The following EFNA5 variants were observed in gnomAD, a reference collection of about 807,000 sequenced individuals.
EFNA5 encodes the protein ephrin A5, also known as ephrin-A5.
EFNA5 carries 5 observed loss-of-function variants against 22.9 expected under a neutral mutation model. That is an observed-to-expected ratio of 0.22 (90% confidence interval 0.11 to 0.46). The LOEUF (loss-of-function observed/expected upper bound fraction) is 0.46, where lower values mean the gene tolerates loss of function less well. Ranked by LOEUF, EFNA5 falls within the 20% of genes least tolerant of loss-of-function variation. The pLI, the probability that EFNA5 is intolerant of heterozygous loss-of-function variation, is 0.99. For missense variants in EFNA5, 237 were observed against 293.3 expected (o/e 0.81, Z 1.40); for synonymous variants, 113 against 112.2 (o/e 1.01, Z -0.04).
At chr5:107,505,076 AAG>A (rs969152396) in intron 1 of EFNA5, among the ~76,000 whole-genome samples, 48 of 152,306 alleles carry the variant, frequency 3.2e-4, no homozygotes, top group African/African-American at 1.1e-3. Context: ...CTGTAAAGAA[AAG>A]GTGCCTAACA....
chr5:107,386,017 T>C (rs1747609355), intron 4 of EFNA5, among the ~76,000 whole-genome samples: 1 of 152,032 alleles, frequency 6.6e-6, no homozygotes, highest in Admixed American at 6.6e-5. Context: ...TTGTATGTCC[T>C]GAGGCACAGC....
chr5:107,643,871 T>TTAATAATAA lies in EFNA5; in HGVS notation c.125+26609_125+26617dup, dbSNP rs148571029. ...TCTTCTTTATAGCTGTCTATTTTCT[T>TTAATAATAA]TAATAATAATAATAATAATAATAAT... On this transcript the variant is annotated intron_variant, in intron 1 of 4. Coordinates refer to ENST00000333274, the MANE Select transcript of EFNA5 (RefSeq NM_001962.3). Among the ~76,000 whole-genome samples the TTAATAATAA allele has an allele frequency of 5.5e-5, 8 of 146,268 alleles. 1 individual carries two copies. The highest frequency in any genetic ancestry group is 1.8e-4 in the African/African-American group (7 of 37,864).
intron 2 of EFNA5, among the ~76,000 whole-genome samples, chr5:107,418,804 T>C (rs555841162): frequency 9.2e-5 from 14 of 152,290 alleles, no homozygotes; most frequent in African/African-American, 3.1e-4. Context: ...GGTCCCAATG[T>C]AAAAATCTAT....
At chr5:107,528,285 T>C (rs137907154) in intron 1 of EFNA5, among the ~76,000 whole-genome samples, 103 of 152,330 alleles carry the variant, frequency 6.8e-4, no homozygotes, top group African/African-American at 2.4e-3. Context: ...CTTTGGTCCT[T>C]ACCTGATGGG....
At chr5:107,480,286 C>A (rs1750423966) in intron 1 of EFNA5, among the ~76,000 whole-genome samples, 1 of 152,220 alleles carries the variant, frequency 6.6e-6, no homozygotes, top group African/African-American at 2.4e-5. Flanking sequence ...ACACTTTTAT[C>A]CACTCAATAG....
intron 1 of EFNA5, among the ~76,000 whole-genome samples, chr5:107,570,445 A>G (rs1748777169): frequency 1.3e-5 from 2 of 152,252 alleles, no homozygotes; most frequent in Admixed American, 1.3e-4. Flanking sequence ...AACTATTCAG[A>G]GGGAAGTAGC....
intron 1 of EFNA5, 78 bp downstream of exon 1, chr5:107,670,411 C>T: frequency 8.2e-6 from 12 of 1,466,992 alleles, no homozygotes; most frequent in Non-Finnish European, 1.1e-5. Context: ...GGTTGGTGCG[C>T]GCCGATCCCC....
At chr5:107,511,545 C>T (rs552946248) in intron 1 of EFNA5, among the ~76,000 whole-genome samples, 2 of 152,166 alleles carry the variant, frequency 1.3e-5, no homozygotes, top group South Asian at 2.1e-4. Flanking sequence ...CTAAAAAATA[C>T]ACTGATTTTG....
At chr5:107,486,492 G>A (rs973407648) in intron 1 of EFNA5, among the ~76,000 whole-genome samples, 30 of 152,160 alleles carry the variant, frequency 2.0e-4, no homozygotes, top group African/African-American at 7.2e-4. Flanking sequence ...TGGAAATCCT[G>A]AGGCTATAAA....
chr5:107,511,041 T>TGTGTGTGTGTGTGTGTGTGAGA (rs1363882358), intron 1 of EFNA5, among the ~76,000 whole-genome samples: 3 of 149,860 alleles, frequency 2.0e-5, no homozygotes, highest in African/African-American at 7.5e-5. Flanking sequence ...TGTGTGTGTG[T>TGTGTGTGTGTGTGTGTGTGAGA]GAGACGGAGA....
intron 1 of EFNA5, among the ~76,000 whole-genome samples, chr5:107,650,752 G>T (rs1467042920): frequency 1.3e-5 from 2 of 152,062 alleles, no homozygotes; most frequent in Non-Finnish European, 2.9e-5. Context: ...TCTTCTGAAC[G>T]TCTTCAAAAA....
chr5:107,643,178 G>T (rs1261288209), intron 1 of EFNA5, among the ~76,000 whole-genome samples: 1 of 152,264 alleles, frequency 6.6e-6, no homozygotes, highest in Admixed American at 6.5e-5. Context: ...CTCCTAAGTA[G>T]ATCTAACAAA....
At chr5:107,425,193 T>A (rs982418273) in intron 2 of EFNA5, among the ~76,000 whole-genome samples, 4 of 152,204 alleles carry the variant, frequency 2.6e-5, no homozygotes, top group Non-Finnish European at 5.9e-5. Flanking sequence ...AAACCAGTCA[T>A]AAGCGCTATG....
chr5:107,562,082 A>G (rs1748559471), intron 1 of EFNA5, among the ~76,000 whole-genome samples: 1 of 152,226 alleles, frequency 6.6e-6, no homozygotes, highest in Non-Finnish European at 1.5e-5. Flanking sequence ...GCTGAATTCA[A>G]CTAACCACAC....
At chr5:107,562,849 T>C (rs1378554825) in intron 1 of EFNA5, among the ~76,000 whole-genome samples, 2 of 152,256 alleles carry the variant, frequency 1.3e-5, no homozygotes, top group Non-Finnish European at 2.9e-5. Context: ...CAAATTATTC[T>C]TAGCATCCAG....
intron 1 of EFNA5, among the ~76,000 whole-genome samples, chr5:107,487,057 C>T (rs1322610478): frequency 1.3e-5 from 2 of 152,172 alleles, no homozygotes; most frequent in South Asian, 2.1e-4. Flanking sequence ...AGATAAAGAA[C>T]AACTTCCTTA....
intron 1 of EFNA5, among the ~76,000 whole-genome samples, chr5:107,497,994 C>A (rs1479459458): frequency 6.6e-6 from 1 of 152,202 alleles, no homozygotes; most frequent in Non-Finnish European, 1.5e-5. Flanking sequence ...CGGCTTACTG[C>A]AGCCTCGGCC....
chr5:107,560,642 A>G (rs1482511477), intron 1 of EFNA5, among the ~76,000 whole-genome samples: 5 of 152,228 alleles, frequency 3.3e-5, no homozygotes, highest in Non-Finnish European at 7.3e-5. Context: ...CTAGCTGTGT[A>G]GCAAGGACAA....
At position 107,615,499 on chromosome 5, in the gene EFNA5, C is replaced by T. The variant is rs1160027154; in HGVS notation, c.125+54990G>A. 2.6e-5 allele frequency among the ~76,000 whole-genome samples: 4 copies of T among 152,100 alleles called. No homozygotes were observed. The South Asian group carries it at 8.3e-4, about 31-fold the overall frequency. On this transcript the variant is annotated intron_variant, in intron 1 of 4. Coordinates refer to ENST00000333274, the MANE Select transcript of EFNA5 (RefSeq NM_001962.3). ...TACAGTTTTGGATTTAACACCCCTG[C>T]CTTTGCAGTCAGACAGTCATTTAGC...
Sources: gnomAD v4.1 joint callset for allele counts (sites outside exome capture counted in the v4.1 genomes callset) on GRCh38, gnomAD v4.1.1 for gene constraint, MANE v1.5 for transcripts, NCBI Gene and HGNC (gene_info 2026-07-23, HGNC 2026-07-21) for gene names.